The following CBFA2T2 variants were observed in gnomAD, a reference collection of about 807,000 sequenced individuals.
CBFA2T2 encodes protein CBFA2T2.
A neutral mutation model predicts 62.2 loss-of-function variants in CBFA2T2; 11 were observed. The observed-to-expected ratio is 0.18, with a 90% CI of 0.11 to 0.29. The LOEUF is 0.29. Among genes scored for constraint, CBFA2T2 ranks in the 10% least tolerant of loss-of-function variants. The probability of loss-of-function intolerance (pLI) is 1.00; values close to 1 mark genes in which losing one functional copy is unlikely to be tolerated. For missense variants in CBFA2T2, 592 were observed against 774.1 expected (o/e 0.76, Z 2.79); for synonymous variants, 295 against 287.5 (o/e 1.03, Z -0.27).
intron 2 of CBFA2T2, among the ~76,000 whole-genome samples, chr20:33,607,939 A>C (rs143185218): frequency 1.4e-3 from 211 of 152,344 alleles, no homozygotes; most frequent in African/African-American, 4.8e-3. Flanking sequence ...AATGCAAACT[A>C]ACACCCAATA....
intron 1 of CBFA2T2, among the ~76,000 whole-genome samples, chr20:33,594,766 G>A (rs143126663): frequency 3.9e-5 from 6 of 152,312 alleles, no homozygotes; most frequent in Admixed American, 2.0e-4. Context: ...CTTTGGCTGC[G>A]TATGTGTGGC....
intron 1 of CBFA2T2, among the ~76,000 whole-genome samples, chr20:33,536,979 G>A (rs1484010123): frequency 6.6e-6 from 1 of 151,652 alleles, no homozygotes; most frequent in East Asian, 2.0e-4. Context: ...TGGCGGCCGG[G>A]AAGAGGCGCT....
intron 2 of CBFA2T2, among the ~76,000 whole-genome samples, chr20:33,608,237 G>A (rs749716847): frequency 3.1e-4 from 47 of 152,144 alleles, no homozygotes; most frequent in African/African-American, 8.7e-4. Context: ...ACATGCTGCC[G>A]TCCCCAGTTC....
chr20:33,522,410 C>T (rs1045974779), intron 1 of CBFA2T2, among the ~76,000 whole-genome samples: 1 of 152,058 alleles, frequency 6.6e-6, no homozygotes, highest in South Asian at 2.1e-4. Flanking sequence ...TACATGATCT[C>T]AGCTCATCTG....
At chr20:33,495,088 A>G (rs971298767) in intron 1 of CBFA2T2, among the ~76,000 whole-genome samples, 1 of 152,010 alleles carries the variant, frequency 6.6e-6, no homozygotes, top group African/African-American at 2.4e-5. Context: ...GATGAAATCT[A>G]GTTTATTCGG....
intron 1 of CBFA2T2, among the ~76,000 whole-genome samples, chr20:33,579,448 T>G (rs972418689): frequency 3.9e-5 from 6 of 152,114 alleles, no homozygotes; most frequent in African/African-American, 1.4e-4. Flanking sequence ...CTTAAAAATT[T>G]TATGGTTTGT....
chr20:33,509,140 G>T (rs1600909712), intron 1 of CBFA2T2, among the ~76,000 whole-genome samples: 1 of 152,236 alleles, frequency 6.6e-6, no homozygotes, highest in East Asian at 1.9e-4. Context: ...GCTGAGGTGG[G>T]CAGATCATCT....
intron 1 of CBFA2T2, among the ~76,000 whole-genome samples, chr20:33,525,253 TCGGCTCA>T (rs1022616647): frequency 6.6e-6 from 1 of 151,236 alleles, no homozygotes; most frequent in African/African-American, 2.4e-5. Context: ...TGGCACAATC[TCGGCTCA>T]CCACAACCTC....
intron 1 of CBFA2T2, among the ~76,000 whole-genome samples, chr20:33,530,427 G>A (rs1014631995): frequency 1.3e-5 from 2 of 151,516 alleles, no homozygotes; most frequent in African/African-American, 4.9e-5. Context: ...CCCATTGTTT[G>A]TTTTTTTTGA....
At chr20:33,546,443 T>TC (rs1262852536) in intron 1 of CBFA2T2, among the ~76,000 whole-genome samples, 1 of 149,668 alleles carries the variant, frequency 6.7e-6, no homozygotes, top group Non-Finnish European at 1.5e-5. Context: ...TTTTTTTTTT[T>TC]CTTGGAGACA....
At chr20:33,550,779 A>T (rs1233953323) in intron 1 of CBFA2T2, among the ~76,000 whole-genome samples, 1 of 151,948 alleles carries the variant, frequency 6.6e-6, no homozygotes, top group Admixed American at 6.6e-5. Flanking sequence ...GTACCACCAC[A>T]CCTGGCTAAT....
intron 5 of CBFA2T2, chr20:33,624,030 CG>C (rs2016114189): frequency 1.9e-6 from 1 of 537,362 alleles, no homozygotes; most frequent in East Asian, 3.0e-5. Flanking sequence ...TTATGTCAAA[CG>C]CATTTTTTTC....
In CBFA2T2 at chr20:33,490,315, G is replaced by A; in HGVS notation, c.34+14G>A. 1.6e-6 allele frequency: 2 copies of A among 1,284,750 alleles called. No individual in the cohort carries two copies. 79.6% of individuals were successfully genotyped at this position (1,284,750 alleles called of 1,614,324 possible). A position where few individuals can be genotyped will look rare whatever the true frequency, so the allele number is the denominator to read the frequency against. On this transcript the variant is annotated intron_variant, in intron 1 of 10. Transcript: ENST00000342704. ...CCGCCTTCCAGCGTAAGTGGGGCGT[G>A]AATGCGGGCGGCCGAGGGGGGCGTG...
chr20:33,496,268 T>C (rs1277781741), intron 1 of CBFA2T2, among the ~76,000 whole-genome samples: 1 of 152,204 alleles, frequency 6.6e-6, no homozygotes, highest in Non-Finnish European at 1.5e-5. Flanking sequence ...GGGAACCTGA[T>C]TGAAGCTTAT....
intron 1 of CBFA2T2, among the ~76,000 whole-genome samples, chr20:33,557,125 C>G: frequency 7.2e-6 from 1 of 138,106 alleles, no homozygotes; most frequent in Non-Finnish European, 1.5e-5. Context: ...AGGGATTCTT[C>G]TGCCTCAGCC....
chr20:33,493,591 C>G (rs1361064577), intron 1 of CBFA2T2, among the ~76,000 whole-genome samples: 1 of 152,174 alleles, frequency 6.6e-6, no homozygotes, highest in Admixed American at 6.5e-5. Context: ...CCTCTTATCT[C>G]TGGGGCTCAA....
chr20:33,577,345 C>G (rs2013878802), intron 1 of CBFA2T2, among the ~76,000 whole-genome samples: 1 of 152,106 alleles, frequency 6.6e-6, no homozygotes, highest in African/African-American at 2.4e-5. Context: ...GAGCCAACAT[C>G]TTTGAAATCT....
intron 1 of CBFA2T2, among the ~76,000 whole-genome samples, chr20:33,493,799 C>A (rs993300146): frequency 6.6e-6 from 1 of 152,142 alleles, no homozygotes; most frequent in Non-Finnish European, 1.5e-5. Flanking sequence ...CCATACCTGG[C>A]CACCTAAAAT....
At chr20:33,624,023 T>C in intron 5 of CBFA2T2, 1 of 547,526 alleles carries the variant, frequency 1.8e-6, no homozygotes, top group Non-Finnish European at 3.2e-6. Context: ...ATGCCTTTTA[T>C]GTCAAACGCA....
Sources: allele counts gnomAD v4.1 joint callset (sites outside exome capture counted in the v4.1 genomes callset), GRCh38; gene constraint gnomAD v4.1.1; transcripts MANE v1.5; gene names NCBI Gene and HGNC (gene_info 2026-07-23, HGNC 2026-07-21).